Variants in FHIT observed in about 807,000 individuals in gnomAD.
FHIT encodes the protein fragile histidine triad diadenosine triphosphatase.
In FHIT, 19 loss-of-function variants were observed where a neutral mutation model predicts 17.9. The observed-to-expected ratio is 1.06, with a 90% CI of 0.74 to 1.56. FHIT has a LOEUF of 1.56. Among genes scored for constraint, FHIT ranks in the 40% most tolerant of loss-of-function variants. The pLI, the probability that FHIT is intolerant of heterozygous loss-of-function variation, is 0.00. For synonymous variants in FHIT, 81 were observed against 69.7 expected (o/e 1.16, Z -0.81); for missense variants, 248 against 189.2 (o/e 1.31, Z -1.82).
intron 8 of FHIT, among the ~76,000 whole-genome samples, chr3:59,779,988 T>C (rs1702500609): frequency 6.6e-6 from 1 of 152,124 alleles, no homozygotes; most frequent in South Asian, 2.1e-4. Flanking sequence ...AGGCAGAAGG[T>C]GGGTGAAAGC....
intron 7 of FHIT, among the ~76,000 whole-genome samples, chr3:60,006,502 G>T (rs777998397): frequency 6.6e-6 from 1 of 152,110 alleles, no homozygotes; most frequent in Non-Finnish European, 1.5e-5. Flanking sequence ...CCATGATGTG[G>T]CAGGGCCGGG....
chr3:60,709,127 A>G (rs187425815), intron 4 of FHIT, among the ~76,000 whole-genome samples: 380 of 152,352 alleles, frequency 2.5e-3, no homozygotes, highest in Admixed American at 4.8e-3. Context: ...GGTTATATCT[A>G]TGGATATTTA....
chr3:60,767,428 T>A (rs1348705644), intron 4 of FHIT, among the ~76,000 whole-genome samples: 2 of 152,182 alleles, frequency 1.3e-5, no homozygotes, highest in Non-Finnish European at 2.9e-5. Context: ...TATTTCCCAT[T>A]TTCCTCCATA....
intron 7 of FHIT, among the ~76,000 whole-genome samples, chr3:59,948,845 TC>T (rs567802067): frequency 6.2e-4 from 95 of 152,122 alleles, no homozygotes; most frequent in Non-Finnish European, 1.1e-3. Flanking sequence ...GTTTTTTTTT[TC>T]CCCACAGTTC....
At chr3:60,640,048 T>A (rs2039688088) in intron 4 of FHIT, among the ~76,000 whole-genome samples, 1 of 152,128 alleles carries the variant, frequency 6.6e-6, no homozygotes, top group Admixed American at 6.5e-5. Flanking sequence ...ATATTATGGG[T>A]TAATTCATTA....
At chr3:60,698,588 T>C (rs2041167409) in intron 4 of FHIT, among the ~76,000 whole-genome samples, 1 of 152,176 alleles carries the variant, frequency 6.6e-6, no homozygotes, top group Non-Finnish European at 1.5e-5. Context: ...AAGCTAACAA[T>C]GGGCTCAAAA....
chr3:60,383,126 G>T (rs866881891), intron 5 of FHIT, among the ~76,000 whole-genome samples: 3 of 152,142 alleles, frequency 2.0e-5, no homozygotes, highest in African/African-American at 7.2e-5. Flanking sequence ...AAAACAGAGC[G>T]ACAGAAATGT....
intron 7 of FHIT, among the ~76,000 whole-genome samples, chr3:59,971,066 A>C (rs1708156988): frequency 6.6e-6 from 1 of 152,028 alleles, no homozygotes; most frequent in South Asian, 2.1e-4. Flanking sequence ...GAAACTCTGA[A>C]ATTGGGAATT....
chr3:59,991,931 T>C (rs879508220), intron 7 of FHIT, among the ~76,000 whole-genome samples: 2 of 152,020 alleles, frequency 1.3e-5, no homozygotes, highest in Admixed American at 1.3e-4. Context: ...ACTCTTTAAT[T>C]ATGTGACCCA....
intron 5 of FHIT, among the ~76,000 whole-genome samples, chr3:60,136,061 T>A (rs1305363863): frequency 1.3e-5 from 2 of 152,108 alleles, no homozygotes; most frequent in Non-Finnish European, 2.9e-5. Flanking sequence ...CTCCATGAGG[T>A]CAAGTACAGA....
At chr3:60,553,699 T>C (rs1244624561) in intron 4 of FHIT, among the ~76,000 whole-genome samples, 2 of 151,924 alleles carry the variant, frequency 1.3e-5, no homozygotes, top group African/African-American at 4.8e-5. Flanking sequence ...GAACTACTTT[T>C]GTCACTTTAT....
chr3:61,206,823 C>T (rs2039251684), intron 1 of FHIT, among the ~76,000 whole-genome samples: 2 of 152,216 alleles, frequency 1.3e-5, no homozygotes, highest in South Asian at 4.2e-4. Context: ...CTTCTCCTGC[C>T]TGATTGCCCT....
intron 1 of FHIT, among the ~76,000 whole-genome samples, chr3:61,210,884 T>C (rs1284445611): frequency 2.0e-5 from 3 of 151,716 alleles, no homozygotes; most frequent in Non-Finnish European, 4.4e-5. Context: ...AAATCACCCA[T>C]CTTCTGTGTC....
intron 1 of FHIT, among the ~76,000 whole-genome samples, chr3:61,226,832 T>C (rs2039983557): frequency 6.6e-6 from 1 of 152,142 alleles, no homozygotes; most frequent in South Asian, 2.1e-4. Flanking sequence ...AGCCAATTAG[T>C]CAAGAAATGT....
chr3:60,127,951 C>G (rs1705633729), intron 5 of FHIT, among the ~76,000 whole-genome samples: 1 of 152,072 alleles, frequency 6.6e-6, no homozygotes, highest in Non-Finnish European at 1.5e-5. Flanking sequence ...TTTTATTAGC[C>G]TTAGTAAGTT....
intron 3 of FHIT, among the ~76,000 whole-genome samples, chr3:60,983,696 G>C (rs1043519797): frequency 3.9e-5 from 6 of 152,148 alleles, no homozygotes; most frequent in African/African-American, 1.2e-4. Flanking sequence ...CCTAAACTAA[G>C]TCTCGTACTG....
chr3:59,920,242 T>G (rs751069068), intron 8 of FHIT, among the ~76,000 whole-genome samples: 67 of 152,352 alleles, frequency 4.4e-4, no homozygotes, highest in Non-Finnish European at 8.7e-4. Flanking sequence ...CACTGGGATT[T>G]GAACTTACTT....
intron 4 of FHIT, among the ~76,000 whole-genome samples, chr3:60,661,457 T>A (rs1280301238): frequency 1.3e-5 from 2 of 152,206 alleles, no homozygotes; most frequent in African/African-American, 4.8e-5. Flanking sequence ...CATTAACTGT[T>A]GGGCATTTGG....
intron 5 of FHIT, among the ~76,000 whole-genome samples, chr3:60,455,420 G>A (rs1405027139): frequency 6.6e-6 from 1 of 152,076 alleles, no homozygotes; most frequent in Non-Finnish European, 1.5e-5. Context: ...CATAAAACAA[G>A]ATGAAAGCAA....
Sources: gnomAD v4.1 joint callset for allele counts (sites outside exome capture counted in the v4.1 genomes callset) on GRCh38, gnomAD v4.1.1 for gene constraint, MANE v1.5 for transcripts, NCBI Gene and HGNC (gene_info 2026-07-23, HGNC 2026-07-21) for gene names.